Variants in TRABD2B observed in about 807,000 individuals in gnomAD.
TRABD2B encodes the protein metalloprotease TIKI2.
A neutral mutation model predicts 40.1 loss-of-function variants in TRABD2B; 14 were observed. The ratio of observed to expected loss-of-function variants is 0.35; its 90% CI spans 0.23 to 0.55. The LOEUF (loss-of-function observed/expected upper bound fraction) is 0.55, where lower values mean the gene tolerates loss of function less well. TRABD2B is among the 20% of genes least tolerant of loss of function. The pLI, the probability that TRABD2B is intolerant of heterozygous loss-of-function variation, is 0.90. For missense variants in TRABD2B, 541 were observed against 648.6 expected, an observed-to-expected ratio of 0.83 and a Z score of 1.80; for synonymous variants, 263 against 277.0, an observed-to-expected ratio of 0.95 and a Z score of 0.50.
intron 2 of TRABD2B, among the ~76,000 whole-genome samples, chr1:47,920,333 A>C (rs1432190978): frequency 6.6e-6 from 1 of 152,216 alleles, no homozygotes; most frequent in Non-Finnish European, 1.5e-5. Flanking sequence ...ATCCCCGTCA[A>C]ATTAGAGGTC....
intron 2 of TRABD2B, among the ~76,000 whole-genome samples, chr1:47,877,212 G>A (rs879699993): frequency 4.0e-5 from 6 of 151,794 alleles, no homozygotes; most frequent in African/African-American, 1.2e-4. Flanking sequence ...GGGGCTGGGG[G>A]GTGGGCAGGT....
At chr1:47,791,614 C>T (rs1216913286) in intron 4 of TRABD2B, among the ~76,000 whole-genome samples, 1 of 152,154 alleles carries the variant, frequency 6.6e-6, no homozygotes, top group Non-Finnish European at 1.5e-5. Context: ...CAGGGGCCCC[C>T]AGGTGGGTAG....
At chr1:47,941,977 T>C (rs546780085) in intron 2 of TRABD2B, among the ~76,000 whole-genome samples, 1 of 152,360 alleles carries the variant, frequency 6.6e-6, no homozygotes, top group South Asian at 2.1e-4. Context: ...TGGAATACCA[T>C]TGTCAAATTA....
intron 2 of TRABD2B, among the ~76,000 whole-genome samples, chr1:47,879,518 A>ATGAATGTTG (rs2124619147): frequency 6.6e-6 from 1 of 152,340 alleles, no homozygotes; most frequent in South Asian, 2.1e-4. Flanking sequence ...TTGTGCAAGT[A>ATGAATGTTG]CACTCTATAA....
rs115891329 is a variant in TRABD2B, at chr1:47,780,916, C to T, written c.989-2372G>A. 4.1e-3 allele frequency among the ~76,000 whole-genome samples: 619 copies of T among 152,338 alleles called. 8 individuals carry two copies. Among genetic ancestry groups the T allele is most frequent in the African/African-American group, 0.014 (599 of 41,562 alleles). ...GCCTGTGATCCTAAGCAAGTGGCTT[C>T]CCTGCCACCAGCCTCAGTTTTCTTG... On this transcript the variant is annotated intron_variant, in intron 4 of 6. Coordinates refer to ENST00000606738, the MANE Select transcript of TRABD2B (RefSeq NM_001194986.2).
intron 2 of TRABD2B, among the ~76,000 whole-genome samples, chr1:47,984,129 T>TA (rs1645881922): frequency 6.6e-6 from 1 of 152,164 alleles, no homozygotes; most frequent in Admixed American, 6.5e-5. Flanking sequence ...ATAACCTTAA[T>TA]AGGGAGGAAG....
At chr1:47,984,039 T>C (rs1409911414) in intron 2 of TRABD2B, among the ~76,000 whole-genome samples, 1 of 152,248 alleles carries the variant, frequency 6.6e-6, no homozygotes, top group African/African-American at 2.4e-5. Flanking sequence ...GGCTGTCGAA[T>C]GGGACCCCAG....
chr1:47,871,680 C>T (rs1424014018), intron 2 of TRABD2B, among the ~76,000 whole-genome samples: 1 of 152,116 alleles, frequency 6.6e-6, no homozygotes, highest in Non-Finnish European at 1.5e-5. Context: ...GTAGGGAAAG[C>T]GAAGCCCTGA....
At chr1:47,938,463 G>C (rs556259597) in intron 2 of TRABD2B, among the ~76,000 whole-genome samples, 7 of 152,324 alleles carry the variant, frequency 4.6e-5, no homozygotes, top group African/African-American at 1.4e-4. Flanking sequence ...GGTGGATAGG[G>C]AGGTAGGAAG....
chr1:47,832,346 G>T (rs1353939128), intron 2 of TRABD2B, among the ~76,000 whole-genome samples: 1 of 151,858 alleles, frequency 6.6e-6, no homozygotes, highest in Non-Finnish European at 1.5e-5. Flanking sequence ...AAAAAAAAGA[G>T]GTCAGACGTG....
intron 2 of TRABD2B, among the ~76,000 whole-genome samples, chr1:47,817,210 C>A (rs953835779): frequency 6.6e-6 from 1 of 152,052 alleles, no homozygotes; most frequent in African/African-American, 2.4e-5. Flanking sequence ...TTCCATCCCC[C>A]CCAACACCCC....
intron 2 of TRABD2B, among the ~76,000 whole-genome samples, chr1:47,939,049 T>C (rs1396018929): frequency 6.6e-6 from 1 of 152,026 alleles, no homozygotes; most frequent in Non-Finnish European, 1.5e-5. Flanking sequence ...CTTTCCAGGC[T>C]AGGGTGCCTG....
At chr1:47,828,614 T>C (rs1261741690) in intron 2 of TRABD2B, among the ~76,000 whole-genome samples, 1 of 152,202 alleles carries the variant, frequency 6.6e-6, no homozygotes, top group African/African-American at 2.4e-5. Context: ...ATAAGTCCCT[T>C]TGGTCAGGAA....
intron 2 of TRABD2B, among the ~76,000 whole-genome samples, chr1:47,889,537 G>A (rs1335879780): frequency 6.6e-6 from 1 of 152,228 alleles, no homozygotes; most frequent in Admixed American, 6.5e-5. Flanking sequence ...AGCCACTGTT[G>A]ACTCTGCCAA....
intron 2 of TRABD2B, among the ~76,000 whole-genome samples, chr1:47,940,835 G>C (rs1420272139): frequency 6.6e-6 from 1 of 152,238 alleles, no homozygotes; most frequent in Non-Finnish European, 1.5e-5. Context: ...TCGAGAGCAT[G>C]GCAGTCCAGG....
At position 47,996,472 on chromosome 1, in the gene TRABD2B, G is replaced by A. The variant is rs147244644; in HGVS notation, c.102+216C>T. On this transcript the variant is annotated intron_variant, in intron 1 of 6. Transcript: ENST00000606738. This position sits in a 1 kb window ranked among gnomAD's most constrained non-coding sequence, Gnocchi z 4.6. ...GAGAGCCCCAGAGCGGCAGCGTGTG[G>A]AGAAGGAACCGGAGAGGGAGCGCCC... Among the ~76,000 whole-genome samples, 854 of 152,300 alleles carry A rather than the reference G, an allele frequency of 5.6e-3. 6 individuals are homozygous for A. The highest frequency in any genetic ancestry group is 0.02 in the South Asian group (95 of 4,826).
At chr1:47,857,130 G>A (rs549198422) in intron 2 of TRABD2B, among the ~76,000 whole-genome samples, 2 of 152,230 alleles carry the variant, frequency 1.3e-5, no homozygotes, top group African/African-American at 2.4e-5. Context: ...ATGTTTTGGA[G>A]TTGACCATCA....
At chr1:47,774,884 G>A (rs1389138503) in intron 6 of TRABD2B, among the ~76,000 whole-genome samples, 1 of 152,262 alleles carries the variant, frequency 6.6e-6, no homozygotes, top group Non-Finnish European at 1.5e-5. Flanking sequence ...TTGTACAGGT[G>A]TGTCCCAGGA....
chr1:47,864,258 G>A (rs1644021518), intron 2 of TRABD2B, among the ~76,000 whole-genome samples: 1 of 151,804 alleles, frequency 6.6e-6, no homozygotes, highest in Non-Finnish European at 1.5e-5. Context: ...TTGGACTTTG[G>A]GTGATGTGTC....
Sources: allele counts gnomAD v4.1 joint callset (sites outside exome capture counted in the v4.1 genomes callset), GRCh38; gene constraint gnomAD v4.1.1; non-coding constraint Gnocchi (gnomAD v3.1); transcripts MANE v1.5; gene names NCBI Gene and HGNC (gene_info 2026-07-23, HGNC 2026-07-21).